The following USP53 variants were observed in gnomAD, a reference collection of about 807,000 sequenced individuals.
USP53 encodes ubiquitin specific peptidase 53.
In USP53, 71 loss-of-function variants were observed where a neutral mutation model predicts 94.9. The ratio of observed to expected loss-of-function variants is 0.75; its 90% CI spans 0.62 to 0.91. The LOEUF (loss-of-function observed/expected upper bound fraction) is 0.91. Among genes scored for constraint, USP53 ranks in the 40% least tolerant of loss-of-function variants. The pLI is 0.00. For missense variants in USP53, 1,173 were observed against 1,281.0 expected (o/e 0.92, Z 1.29); for synonymous variants, 375 against 422.7 (o/e 0.89, Z 1.39).
At chr4:119,251,939 T>C (rs1749065158) in intron 7 of USP53, among the ~76,000 whole-genome samples, 1 of 152,244 alleles carries the variant, frequency 6.6e-6, no homozygotes, top group South Asian at 2.1e-4. Flanking sequence ...GTTTTTAGCA[T>C]GAAAGGCTGT....
At chr4:119,244,015 C>T (rs1053620636) in intron 5 of USP53, among the ~76,000 whole-genome samples, 20 of 152,104 alleles carry the variant, frequency 1.3e-4, no homozygotes, top group Non-Finnish European at 2.6e-4. Flanking sequence ...AAATATTTTG[C>T]CTGAGTCAGT....
chr4:119,268,989 T>A (rs1199180169), intron 14 of USP53, among the ~76,000 whole-genome samples: 1 of 152,204 alleles, frequency 6.6e-6, no homozygotes, highest in Non-Finnish European at 1.5e-5. Context: ...ATGATTTTGT[T>A]AGCAACCTTT....
At chr4:119,250,232 C>T (rs573667877) in intron 7 of USP53, among the ~76,000 whole-genome samples, 1 of 152,178 alleles carries the variant, frequency 6.6e-6, no homozygotes, top group South Asian at 2.1e-4. Context: ...TGCTCAAGTT[C>T]CTGAAATACT....
intron 6 of USP53, among the ~76,000 whole-genome samples, chr4:119,247,736 A>C (rs1748444965): frequency 6.6e-6 from 1 of 151,720 alleles, no homozygotes; most frequent in African/African-American, 2.4e-5. Flanking sequence ...GCATAGGATT[A>C]AAAATCTTAA....
chr4:119,283,177 G>T (rs1753701920), intron 17 of USP53, among the ~76,000 whole-genome samples: 1 of 151,920 alleles, frequency 6.6e-6, no homozygotes. Flanking sequence ...TAATGTTTTA[G>T]CCCCTGTTTT....
At chr4:119,275,628 T>G (rs1752526045) in intron 17 of USP53, among the ~76,000 whole-genome samples, 1 of 151,952 alleles carries the variant, frequency 6.6e-6, no homozygotes, top group African/African-American at 2.4e-5. Context: ...TTTCCAATTC[T>G]GTGAAGAAAG....
chr4:119,275,733 T>G (rs1179390790), intron 17 of USP53, among the ~76,000 whole-genome samples: 1 of 152,206 alleles, frequency 6.6e-6, no homozygotes, highest in South Asian at 2.1e-4. Context: ...CCCATGAGCA[T>G]GGAATGTTCT....
chr4:119,272,250 G>A (rs1222444410), intron 16 of USP53: 1 of 413,920 alleles, frequency 2.4e-6, no homozygotes, highest in African/African-American at 2.1e-5. Flanking sequence ...TTTCCATTTT[G>A]AATAGTTATT....
chr4:119,279,963 A>G (rs1042943767), intron 17 of USP53, among the ~76,000 whole-genome samples: 28 of 152,106 alleles, frequency 1.8e-4, no homozygotes, highest in Middle Eastern at 3.2e-3. Context: ...TTTGGCTCGC[A>G]CACGGTGCGC....
At chr4:119,280,116 G>A (rs1407290944) in intron 17 of USP53, among the ~76,000 whole-genome samples, 2 of 152,168 alleles carry the variant, frequency 1.3e-5, no homozygotes, top group Non-Finnish European at 2.9e-5. Flanking sequence ...CGGCCATCTT[G>A]GCTCCTCCCC....
At chr4:119,224,192 G>T (rs1403698553) in intron 3 of USP53, among the ~76,000 whole-genome samples, 1 of 152,038 alleles carries the variant, frequency 6.6e-6, no homozygotes, top group African/African-American at 2.4e-5. Context: ...TAGAGACGGG[G>T]TTTCACCATT....
chr4:119,269,684 T>A lies in USP53; in HGVS notation c.1289-7T>A. 1 of 1,390,548 alleles carries A rather than the reference T, an allele frequency of 7.2e-7. No homozygotes were observed. Among genetic ancestry groups the A allele is most frequent in the Non-Finnish European group, 9.4e-7 (1 of 1,067,114 alleles). The allele number at this position is 1,390,548 out of a possible 1,614,324, so 86.1% of individuals were successfully genotyped here. A position where few individuals can be genotyped will look rare whatever the true frequency, so the allele number is the denominator to read the frequency against. ...CTGTATCATAGTAAGAATGATTTCT[T>A]TTACAGCTAAGTTAAGTCACATTGA... is the stretch of plus-strand genomic sequence containing the variant. On this transcript the variant is annotated splice_polypyrimidine_tract_variant and splice_region_variant and intron_variant, in intron 14 of 18. Transcript: ENST00000692078.
intron 3 of USP53, among the ~76,000 whole-genome samples, chr4:119,224,145 G>A (rs941111517): frequency 3.3e-5 from 5 of 152,074 alleles, no homozygotes; most frequent in South Asian, 2.1e-4. Context: ...GATTACAGGC[G>A]TGTGCCACCA....
rs779290617 is a variant in USP53 at position 119,239,713 on chromosome 4, T to C, written c.-47T>C. 6.4e-7 allele frequency: 1 copy of C among 1,564,508 alleles called. No individual in the cohort carries two copies. Among genetic ancestry groups the C allele is most frequent in the South Asian group, 1.2e-5 (1 of 82,494 alleles). ...CCATTTTATTGTCCAAAATATTACATAAAAGTGTACAGTTTTTAGCCTAAA... is the reference window on the plus strand; with the variant it reads ...CCATTTTATTGTCCAAAATATTACACAAAAGTGTACAGTTTTTAGCCTAAA... On this transcript the variant is annotated 5_prime_UTR_variant, in exon 5 of 19. An upstream open reading frame in the 5' UTR loses its in-frame stop. Coordinates refer to ENST00000692078, the MANE Select transcript of USP53 (RefSeq NM_001371395.1).
chr4:119,212,699 G>T (rs1743012036), upstream of USP53: 1 of 343,154 alleles, frequency 2.9e-6, no homozygotes, highest in Non-Finnish European at 5.8e-6. Flanking sequence ...GCGGAGACCA[G>T]CCGCCTGTGC....
Position 119,293,176 on chromosome 4 carries a change from G to C in USP53, c.3187G>C (p.Glu1063Gln). 1.9e-6 allele frequency: 3 copies of C among 1,608,124 alleles called. No homozygotes were observed. Among genetic ancestry groups the C allele is most frequent in the Non-Finnish European group, 8.5e-7 (1 of 1,179,040 alleles). ...YHQRPKLSFP[E>Q]SSGFCNNSLS ...TCAGAGGCCCAAGCTCTCTTTTCCA[G>C]AGAGCAGTGGCTTTTGTAATAATTC... Residue 1063 changes from glutamate to glutamine, a missense_variant, in exon 19 of 19, where the codon GAG becomes CAG. Transcript: ENST00000692078.
intron 17 of USP53, among the ~76,000 whole-genome samples, chr4:119,290,346 G>T (rs958562098): frequency 6.6e-6 from 1 of 152,054 alleles, no homozygotes; most frequent in Non-Finnish European, 1.5e-5. Context: ...AAACTATTTG[G>T]TGCCTATTAA....
At chr4:119,254,337 C>T (rs1749463870) in intron 7 of USP53, among the ~76,000 whole-genome samples, 1 of 152,142 alleles carries the variant, frequency 6.6e-6, no homozygotes, top group South Asian at 2.1e-4. Context: ...TTCCATTCTC[C>T]CCATCACTTT....
At position 119,294,503 on chromosome 4, in the gene USP53, T is replaced by G. The variant is rs1755083523; in HGVS notation, c.*1292T>G. The G allele has an allele frequency of 6.6e-6, 1 of 152,140 alleles. No homozygotes were observed. Among genetic ancestry groups the G allele is most frequent in the African/African-American group, 2.4e-5 (1 of 41,470 alleles). 9.4% of individuals were successfully genotyped at this position (152,140 alleles called of 1,614,324 possible). On this transcript the variant is annotated 3_prime_UTR_variant, in exon 19 of 19. Transcript: ENST00000692078. ...CGTTAGTTGTCATTTTATTTTGTACTATGCTGGTAAACTAATTGTGGTTTA... is the reference window on the plus strand; with the variant it reads ...CGTTAGTTGTCATTTTATTTTGTACGATGCTGGTAAACTAATTGTGGTTTA...
Sources: gnomAD v4.1 joint callset for allele counts (sites outside exome capture counted in the v4.1 genomes callset) on GRCh38, gnomAD v4.1.1 for gene constraint, MANE v1.5 for transcripts, NCBI Gene and HGNC (gene_info 2026-07-23, HGNC 2026-07-21) for gene names.